The following ARCN1 variants were observed in gnomAD, a reference collection of about 807,000 sequenced individuals.
ARCN1 encodes the protein coatomer subunit delta.
In ARCN1, 5 loss-of-function variants were observed where a neutral mutation model predicts 60.4. The ratio of observed to expected loss-of-function variants is 0.08; its 90% confidence interval spans 0.04 to 0.17. The LOEUF (loss-of-function observed/expected upper bound fraction) is 0.17. ARCN1 is among the 10% of genes least tolerant of loss of function. The probability of loss-of-function intolerance (pLI) is 1.00; values close to 1 mark genes in which losing one functional copy is unlikely to be tolerated. For missense variants in ARCN1, 464 were observed against 626.5 expected (o/e 0.74, Z 2.77); for synonymous variants, 224 against 220.0 (o/e 1.02, Z -0.16).
At chr11:118,598,643 C>T (rs1249472032) in intron 9 of ARCN1, among the ~76,000 whole-genome samples, 3 of 151,656 alleles carry the variant, frequency 2.0e-5, no homozygotes, top group Admixed American at 6.6e-5. Context: ...TACAGGAATG[C>T]GCCACCATGC....
intron 1 of ARCN1, among the ~76,000 whole-genome samples, chr11:118,576,426 T>TAAAAATAA (rs1938507694): frequency 9.2e-6 from 1 of 108,780 alleles, no homozygotes; most frequent in Non-Finnish European, 1.8e-5. Flanking sequence ...CCAAAAATGT[T>TAAAAATAA]AAAAAAAAAA....
intron 7 of ARCN1, among the ~76,000 whole-genome samples, chr11:118,593,058 A>G (rs145591933): frequency 2.0e-4 from 31 of 152,174 alleles, no homozygotes; most frequent in African/African-American, 6.7e-4. Flanking sequence ...AAACCATTGT[A>G]GTTTTGTTGT....
At chr11:118,573,035 T>G (rs1415316895) in intron 1 of ARCN1, 1 of 164,054 alleles carries the variant, frequency 6.1e-6, no homozygotes, top group Non-Finnish European at 1.3e-5. Flanking sequence ...AATCCACTGG[T>G]GTCCAGAAAT....
intron 5 of ARCN1, among the ~76,000 whole-genome samples, chr11:118,590,006 T>C (rs1343275470): frequency 6.6e-6 from 1 of 152,052 alleles, no homozygotes; most frequent in African/African-American, 2.4e-5. Context: ...TTTTCTTTTT[T>C]ATTTTTTGAG....
chr11:118,579,213 T>C (rs1938594243), intron 1 of ARCN1, among the ~76,000 whole-genome samples: 1 of 152,054 alleles, frequency 6.6e-6, no homozygotes, highest in African/African-American at 2.4e-5. Context: ...TCATTTAGTT[T>C]TTCTAATATC....
At chr11:118,580,495 C>G (rs1479913481) in intron 1 of ARCN1, among the ~76,000 whole-genome samples, 1 of 152,050 alleles carries the variant, frequency 6.6e-6, no homozygotes, top group Non-Finnish European at 1.5e-5. Flanking sequence ...ATATGAGAGA[C>G]TATGGAAGGA....
At position 118,583,262 on chromosome 11, in the gene ARCN1, C is replaced by T. The variant is rs200580338; in HGVS notation, c.351C>T (p.Val117=). ...FDLIFAFDEI[V]ALGYRENVNL... is the part of the protein sequence containing the mutation. Reference sequence around the variant, plus strand: ...TGATTTTTGCTTTTGATGAAATTGTCGCACTGGGATACCGGGAGAATGTTA... The same window carrying T: ...TGATTTTTGCTTTTGATGAAATTGTTGCACTGGGATACCGGGAGAATGTTA... The change falls in exon 3 of 10, where the codon GTC becomes GTT. Residue 117 remains valine (V), a synonymous_variant. Transcript: ENST00000264028. 134 of 1,613,954 alleles carry T rather than the reference C, an allele frequency of 8.3e-5. No individual in the cohort carries two copies. Among genetic ancestry groups the T allele is most frequent in the Non-Finnish European group, 1.1e-4 (125 of 1,180,014 alleles).
chr11:118,580,576 C>CAT (rs1938628103), intron 1 of ARCN1, among the ~76,000 whole-genome samples: 1 of 152,064 alleles, frequency 6.6e-6, no homozygotes, highest in Non-Finnish European at 1.5e-5. Flanking sequence ...ACCATGATAG[C>CAT]ATATTTTCAC....
chr11:118,594,745 T>G (rs1332306959), intron 8 of ARCN1, among the ~76,000 whole-genome samples: 2 of 151,908 alleles, frequency 1.3e-5, no homozygotes, highest in East Asian at 3.9e-4. Context: ...AGACGGGGTT[T>G]CACCATGTTG....
Position 118,601,866 on chromosome 11 carries a change from A to G in ARCN1, c.*1152A>G. On this transcript the variant is annotated 3_prime_UTR_variant, in exon 10 of 10. Coordinates refer to ENST00000264028, the MANE Select transcript of ARCN1 (RefSeq NM_001655.5). ...AGGGATTTCACATCCACATGTAATC[A>G]TGTCTGCTGCTGTTGCTACCCAAAT... The G allele has an allele frequency of 1.6e-6, 1 of 607,686 alleles. No individual in the cohort carries two copies. 37.6% of individuals were successfully genotyped at this position (607,686 alleles called of 1,614,324 possible).
At position 118,583,904 on chromosome 11, in the gene ARCN1, A is replaced by G; in HGVS notation, c.543A>G (p.Pro181=). ...CAGAGAGACAGGGCAAAAAAGCACC[A>G]GGATTTGGCGGATTTGGCAGCTCTG... ...RDAERQGKKA[P]GFGGFGSSAV... is the part of the protein sequence containing the mutation. Residue 181 remains proline, a synonymous_variant, in exon 4 of 10, where the codon CCA becomes CCG. Coordinates refer to ENST00000264028, the MANE Select transcript of ARCN1 (RefSeq NM_001655.5). The G allele has an allele frequency of 6.2e-7, 1 of 1,614,266 alleles. No homozygotes were observed. Among genetic ancestry groups the G allele is most frequent in the Admixed American group, 1.7e-5 (1 of 60,030 alleles).
chr11:118,597,023 A>T (rs1344194332), intron 8 of ARCN1, among the ~76,000 whole-genome samples: 1 of 152,164 alleles, frequency 6.6e-6, no homozygotes, highest in Non-Finnish European at 1.5e-5. Flanking sequence ...CCTGGCCCGC[A>T]TGGTGAAACC....
At chr11:118,591,126 A>G (rs1938898405) in intron 6 of ARCN1, among the ~76,000 whole-genome samples, 1 of 152,274 alleles carries the variant, frequency 6.6e-6, no homozygotes, top group Admixed American at 6.5e-5. Context: ...TGAAAAGTAC[A>G]TAAAATCCTT....
At chr11:118,596,076 A>G (rs1939020282) in intron 8 of ARCN1, among the ~76,000 whole-genome samples, 1 of 152,184 alleles carries the variant, frequency 6.6e-6, no homozygotes, top group Non-Finnish European at 1.5e-5. Context: ...CAAAAAAAAA[A>G]AAAAGTACTA....
At chr11:118,587,405 G>T (rs1381852750) in intron 5 of ARCN1, among the ~76,000 whole-genome samples, 2 of 152,134 alleles carry the variant, frequency 1.3e-5, no homozygotes, top group Non-Finnish European at 2.9e-5. Flanking sequence ...TTTATGCAAA[G>T]CAGTAAAACT....
In ARCN1 at chr11:118,581,260, A is replaced by G; in HGVS notation, c.18A>G (p.Ala6=). MVLLA[A]AVCTKAGKAI... is the part of the protein sequence containing the mutation. The stretch of plus-strand genomic sequence containing the variant: ...GTTCCTGGCAGGTGCTGTTGGCAGC[A>G]GCGGTCTGCACAAAAGCAGGAAAGG... Residue 6 remains alanine (A), a synonymous_variant, in exon 2 of 10, where the codon GCA becomes GCG. Coordinates refer to ENST00000264028, the MANE Select transcript of ARCN1 (RefSeq NM_001655.5). 1 of 1,614,244 alleles carries G rather than the reference A, an allele frequency of 6.2e-7. No homozygotes were observed. The highest frequency in any genetic ancestry group is 2.2e-5 in the East Asian group (1 of 44,896).
intron 5 of ARCN1, among the ~76,000 whole-genome samples, chr11:118,585,799 A>G (rs1425665369): frequency 6.6e-6 from 1 of 152,098 alleles, no homozygotes; most frequent in East Asian, 1.9e-4. Context: ...TCGGCCTCAC[A>G]AAGTACTGGG....
chr11:118,597,584 TCCCC>T, intron 8 of ARCN1, 119 bp from the exon 9 acceptor site: 1 of 952,010 alleles, frequency 1.1e-6, no homozygotes, highest in African/African-American at 1.7e-5. Context: ...AGCCTTTTTT[TCCCC>T]TGAAATTGTA....
intron 1 of ARCN1, chr11:118,573,907 A>G: frequency 2.1e-6 from 1 of 470,152 alleles, no homozygotes; most frequent in Non-Finnish European, 3.8e-6. Flanking sequence ...TTTGAAACTC[A>G]GTTCCCGTTT....
Sources: allele counts gnomAD v4.1 joint callset (sites outside exome capture counted in the v4.1 genomes callset), GRCh38; gene constraint gnomAD v4.1.1; transcripts MANE v1.5; gene names NCBI Gene and HGNC (gene_info 2026-07-23, HGNC 2026-07-21).